DIP2B: variants seen among roughly 807,000 people sequenced by gnomAD.
DIP2B encodes the protein disco-interacting protein 2 homolog B.
In DIP2B, 76 loss-of-function variants were observed where a neutral mutation model predicts 198.0. The observed-to-expected ratio is 0.38, with a 90% CI of 0.32 to 0.46. The LOEUF (loss-of-function observed/expected upper bound fraction) is 0.46, where lower values mean the gene tolerates loss of function less well. Ranked by LOEUF, DIP2B falls within the 20% of genes least tolerant of loss-of-function variation. The probability of loss-of-function intolerance (pLI) is 0.99; values close to 1 mark genes in which losing one functional copy is unlikely to be tolerated. For missense variants in DIP2B, 1,559 were observed against 1,978.4 expected (o/e 0.79, Z 4.02); for synonymous variants, 701 against 739.1 (o/e 0.95, Z 0.84).
chr12:50,546,976 T>G (rs972250760), intron 1 of DIP2B, among the ~76,000 whole-genome samples: 8 of 152,374 alleles, frequency 5.3e-5, no homozygotes, highest in African/African-American at 1.9e-4. Flanking sequence ...TTTACTACTT[T>G]TCTGAAACTG....
intron 37 of DIP2B, among the ~76,000 whole-genome samples, chr12:50,741,963 G>A (rs928092794): frequency 2.2e-4 from 34 of 152,254 alleles, no homozygotes; most frequent in African/African-American, 7.5e-4. Flanking sequence ...AATGTGCTTT[G>A]TAAACTATTA....
At chr12:50,717,720 C>G (rs1939755737) in intron 23 of DIP2B, among the ~76,000 whole-genome samples, 1 of 151,546 alleles carries the variant, frequency 6.6e-6, no homozygotes, top group Non-Finnish European at 1.5e-5. Context: ...TCCCAAGTAG[C>G]CTGGACTAAA....
chr12:50,665,082 TG>T (rs768649955), intron 4 of DIP2B, among the ~76,000 whole-genome samples: 4 of 152,012 alleles, frequency 2.6e-5, no homozygotes, highest in Non-Finnish European at 5.9e-5. Flanking sequence ...CTCAAACTCC[TG>T]GGCTCAAGAG....
chr12:50,718,354 T>C (rs1371192027), intron 23 of DIP2B, among the ~76,000 whole-genome samples: 1 of 152,202 alleles, frequency 6.6e-6, no homozygotes, highest in Non-Finnish European at 1.5e-5. Context: ...AGTAGGAACC[T>C]GTGCAACCAG....
chr12:50,555,628 T>A (rs1187690642), intron 1 of DIP2B, among the ~76,000 whole-genome samples: 1 of 152,122 alleles, frequency 6.6e-6, no homozygotes, highest in African/African-American at 2.4e-5. Flanking sequence ...CTGCCTTTTA[T>A]CTATTTGTCG....
intron 1 of DIP2B, among the ~76,000 whole-genome samples, chr12:50,550,097 G>T (rs554803813): frequency 6.6e-6 from 1 of 152,160 alleles, no homozygotes. Flanking sequence ...TTTGCCCTGT[G>T]TTAGTGCCTT....
At chr12:50,712,414 G>A (rs1368750383) in intron 22 of DIP2B, among the ~76,000 whole-genome samples, 1 of 151,576 alleles carries the variant, frequency 6.6e-6, no homozygotes, top group Non-Finnish European at 1.5e-5. Flanking sequence ...GACCAGCCTG[G>A]CCAACGTGGT....
chr12:50,732,609 A>G, intron 32 of DIP2B, 73 bp downstream of exon 32: 1 of 1,569,728 alleles, frequency 6.4e-7, no homozygotes, highest in Admixed American at 1.7e-5. Context: ...TGGGCTTTGG[A>G]GCCAGGCTGC....
chr12:50,518,484 C>T (rs970521012), intron 1 of DIP2B, among the ~76,000 whole-genome samples: 1 of 152,334 alleles, frequency 6.6e-6, no homozygotes, highest in Admixed American at 6.5e-5. Context: ...ACTGGGATTA[C>T]AGGCGTGAGC....
chr12:50,744,411 T>C (rs1376228423), intron 37 of DIP2B, among the ~76,000 whole-genome samples, 176 bp from the exon 38 acceptor site: 4 of 152,180 alleles, frequency 2.6e-5, no homozygotes, highest in African/African-American at 4.8e-5. Context: ...ATATAATTTT[T>C]CCCTCAGTCT....
At chr12:50,649,340 TA>T (rs759954872) in intron 3 of DIP2B, among the ~76,000 whole-genome samples, 45 of 152,160 alleles carry the variant, frequency 3.0e-4, no homozygotes, top group Non-Finnish European at 5.4e-4. Context: ...TTCTAGATAT[TA>T]AAACATCCTA....
intron 26 of DIP2B, among the ~76,000 whole-genome samples, chr12:50,722,038 G>A (rs1422928288): frequency 6.6e-6 from 1 of 152,102 alleles, no homozygotes; most frequent in Non-Finnish European, 1.5e-5. Flanking sequence ...CTACTTTCAT[G>A]TTCTGATTTA....
chr12:50,672,394 G>T (rs962079393), intron 5 of DIP2B, among the ~76,000 whole-genome samples: 3 of 152,134 alleles, frequency 2.0e-5, no homozygotes, highest in Non-Finnish European at 2.9e-5. Flanking sequence ...CAGCTACAAA[G>T]ATTTGCGTAT....
intron 3 of DIP2B, among the ~76,000 whole-genome samples, chr12:50,641,619 T>G (rs1471086896): frequency 2.0e-5 from 3 of 152,152 alleles, no homozygotes; most frequent in East Asian, 1.9e-4. Flanking sequence ...AATTAGTTAT[T>G]TCTTCTAACC....
intron 32 of DIP2B, 110 bp downstream of exon 32, chr12:50,732,646 C>T (rs1940064603): frequency 1.5e-6 from 2 of 1,373,666 alleles, no homozygotes; most frequent in East Asian, 2.3e-5. Context: ...GCCGCACTTA[C>T]TTGCTTTGGA....
chr12:50,742,567 G>A (rs1030885040), intron 37 of DIP2B, among the ~76,000 whole-genome samples: 4 of 151,938 alleles, frequency 2.6e-5, no homozygotes, highest in African/African-American at 4.8e-5. Flanking sequence ...TCTTTTGATG[G>A]TTGCTCATGC....
intron 3 of DIP2B, among the ~76,000 whole-genome samples, chr12:50,646,198 A>G (rs891090607): frequency 3.9e-5 from 6 of 151,920 alleles, no homozygotes; most frequent in African/African-American, 1.5e-4. Context: ...ATCTCAGCTC[A>G]CTGCAACCTC....
intron 1 of DIP2B, among the ~76,000 whole-genome samples, chr12:50,619,975 C>A (rs569630915): frequency 6.6e-6 from 1 of 152,290 alleles, no homozygotes; most frequent in South Asian, 2.1e-4. Context: ...GCAGGAGGGT[C>A]ACTTGAGCCC....
chr12:50,624,008 G>T (rs1007307345), intron 1 of DIP2B, among the ~76,000 whole-genome samples: 14 of 152,068 alleles, frequency 9.2e-5, no homozygotes, highest in Non-Finnish European at 1.8e-4. Context: ...CTGCCAGTTT[G>T]TTTTTTTACT....
Sources: allele counts gnomAD v4.1 joint callset (sites outside exome capture counted in the v4.1 genomes callset), GRCh38; gene constraint gnomAD v4.1.1; transcripts MANE v1.5; gene names NCBI Gene and HGNC (gene_info 2026-07-23, HGNC 2026-07-21).